DGKH: variants seen among roughly 807,000 people sequenced by gnomAD.
The protein encoded by DGKH is DAG kinase eta.
In DGKH, 90 loss-of-function variants were observed where a neutral mutation model predicts 159.3. The observed-to-expected ratio is 0.57, with a 90% confidence interval of 0.48 to 0.67. DGKH has a LOEUF of 0.67. Ranked by LOEUF, DGKH falls within the 30% of genes least tolerant of loss-of-function variation. The probability of loss-of-function intolerance (pLI) is 0.00; values close to 1 mark genes in which losing one functional copy is unlikely to be tolerated. For synonymous variants in DGKH, 536 were observed against 553.8 expected, an observed-to-expected ratio of 0.97 and a Z score of 0.45; for missense variants, 1,181 against 1,506.1, an observed-to-expected ratio of 0.78 and a Z score of 3.57.
chr13:42,154,021 C>T (rs1955980588), intron 3 of DGKH: 1 of 152,174 alleles, frequency 6.6e-6, no homozygotes, highest in Non-Finnish European at 1.5e-5. Context: ...GTAGCTAAGA[C>T]TGGATTGATC....
intron 14 of DGKH, 24 bp downstream of exon 14, chr13:42,187,172 T>C (rs759208300): frequency 4.2e-5 from 66 of 1,589,342 alleles, no homozygotes; most frequent in Admixed American, 5.0e-5. Context: ...CTTCAGGGCA[T>C]GAGAGTTGTT....
downstream of DGKH, among the ~76,000 whole-genome samples, chr13:42,243,513 C>T (rs558943990): frequency 3.3e-5 from 5 of 152,246 alleles, no homozygotes; most frequent in African/African-American, 1.2e-4. Context: ...GTGAATAGCC[C>T]TTTAAAATCA....
intron 1 of DGKH, among the ~76,000 whole-genome samples, chr13:42,092,320 C>A (rs1013864745): frequency 2.0e-5 from 3 of 152,080 alleles, no homozygotes; most frequent in African/African-American, 7.2e-5. Context: ...TCACAATAGT[C>A]AAGATATGGA....
intron 1 of DGKH, among the ~76,000 whole-genome samples, chr13:42,107,694 G>C (rs939943320): frequency 6.6e-6 from 1 of 152,106 alleles, no homozygotes; most frequent in South Asian, 2.1e-4. Flanking sequence ...GCCCGGGTAA[G>C]GCAGCCCCGC....
chr13:42,218,429 A>G (rs1166129404), intron 26 of DGKH, among the ~76,000 whole-genome samples: 1 of 150,850 alleles, frequency 6.6e-6, no homozygotes, highest in African/African-American at 2.4e-5. Flanking sequence ...ATTTTCAAGG[A>G]GATTTTTCTG....
intron 1 of DGKH, among the ~76,000 whole-genome samples, chr13:42,099,751 C>T (rs1954618272): frequency 6.6e-6 from 1 of 152,042 alleles, no homozygotes; most frequent in Non-Finnish European, 1.5e-5. Flanking sequence ...CTGAGTAGCG[C>T]GTGTGAAGGT....
At chr13:42,157,718 A>G (rs1956078340) in intron 5 of DGKH, among the ~76,000 whole-genome samples, 2 of 152,208 alleles carry the variant, frequency 1.3e-5, no homozygotes, top group South Asian at 4.1e-4. Flanking sequence ...GAAGGTAAGC[A>G]AAACATTTTC....
At position 42,229,205 on chromosome 13, in the gene DGKH, T is replaced by C. The variant is rs545602; in HGVS notation, c.*17T>C. The C allele has an allele frequency of 0.8, 1,282,926 of 1,601,294 alleles. 516,055 individuals carry two copies. Among genetic ancestry groups the C allele is most frequent in the East Asian group, 0.96 (42,711 of 44,546 alleles). ...GAGGTGTAATCATATTGGTGCTATT[T>C]CTTGGAAGAGAAGTTATTGCCACTT... On this transcript the variant is annotated 3_prime_UTR_variant, in exon 30 of 30. Coordinates refer to ENST00000337343, the MANE Select transcript of DGKH (RefSeq NM_178009.5).
intron 16 of DGKH, among the ~76,000 whole-genome samples, chr13:42,191,716 A>G (rs1456980716): frequency 6.6e-6 from 1 of 152,184 alleles, no homozygotes; most frequent in African/African-American, 2.4e-5. Flanking sequence ...CTATGAAAAA[A>G]ATTAGATAGT....
At chr13:42,103,373 C>G (rs1954687594) in intron 1 of DGKH, among the ~76,000 whole-genome samples, 1 of 152,104 alleles carries the variant, frequency 6.6e-6, no homozygotes, top group African/African-American at 2.4e-5. Context: ...TATTTATTAT[C>G]TACATTATAT....
At chr13:42,197,939 A>G (rs1309504035) in intron 17 of DGKH, among the ~76,000 whole-genome samples, 3 of 152,158 alleles carry the variant, frequency 2.0e-5, no homozygotes, top group Admixed American at 2.0e-4. Context: ...CATTTTTTAT[A>G]TTTAATACTA....
intron 7 of DGKH, among the ~76,000 whole-genome samples, chr13:42,162,512 T>G (rs1335484030): frequency 1.3e-5 from 2 of 150,848 alleles, no homozygotes; most frequent in Non-Finnish European, 2.9e-5. Context: ...AAACATCATC[T>G]CAAAAAATAA....
intron 16 of DGKH, among the ~76,000 whole-genome samples, chr13:42,191,585 T>C (rs2138117724): frequency 6.6e-6 from 1 of 152,330 alleles, no homozygotes; most frequent in East Asian, 1.9e-4. Flanking sequence ...ATTAACATTT[T>C]CTGCTTGAGC....
chr13:42,145,774 A>G (rs1955711785), intron 3 of DGKH, among the ~76,000 whole-genome samples: 1 of 152,170 alleles, frequency 6.6e-6, no homozygotes, highest in Non-Finnish European at 1.5e-5. Context: ...ATGCTTTGTA[A>G]TAATCTAGCA....
At chr13:42,166,451 T>C in intron 8 of DGKH, 64 bp from the exon 9 acceptor site, 1 of 1,315,662 alleles carries the variant, frequency 7.6e-7, no homozygotes. Flanking sequence ...TTTCTCTGAA[T>C]GTTTGCTAAT....
At position 42,072,965 on chromosome 13, in the gene DGKH, T is replaced by C. The variant is rs1330723590; in HGVS notation, c.192+24000T>C. ...CATTTTCTCTAAATCCATCTTCTAATATTAGAATATAAACTCCATGGGGGC... is the reference window on the plus strand; with the variant it reads ...CATTTTCTCTAAATCCATCTTCTAACATTAGAATATAAACTCCATGGGGGC... On this transcript the variant is annotated intron_variant, in intron 1 of 29. Coordinates refer to ENST00000337343, the MANE Select transcript of DGKH (RefSeq NM_178009.5). Among the ~76,000 whole-genome samples, 34 of 152,204 alleles carry C rather than the reference T, an allele frequency of 2.2e-4. 1 individual carries two copies. The highest frequency in any genetic ancestry group is 2.2e-3 in the Admixed American group (34 of 15,280).
In DGKH at chr13:42,070,881, T is replaced by C. The variant is rs1882919606; in HGVS notation, c.192+21916T>C. 3.9e-6 allele frequency: 5 copies of C among 1,295,260 alleles called. No homozygotes were observed. The African/African-American group carries it at 4.4e-5, about 11-fold the overall frequency. The allele number at this position is 1,295,260 out of a possible 1,614,324, so 80.2% of individuals were successfully genotyped here. ...CTTTCACAATGTTATCATGGTCAAG[T>C]CTTCTAATAATCTTGATTTCACATA... On this transcript the variant is annotated intron_variant, in intron 1 of 29. Coordinates refer to ENST00000337343, the MANE Select transcript of DGKH (RefSeq NM_178009.5).
Position 42,187,108 on chromosome 13 carries a change from C to A in DGKH, c.1598C>A (p.Thr533Asn), listed in dbSNP as rs147914294. 4,740 of 1,614,050 alleles carry A rather than the reference C, an allele frequency of 2.9e-3. 28 individuals carry two copies. Among genetic ancestry groups the A allele is most frequent in the South Asian group, 6.8e-3 (621 of 91,076 alleles). The change falls in exon 14 of 30, where the codon ACC (threonine) becomes AAC (asparagine). Residue 533 changes from threonine to asparagine, a missense_variant. Coordinates refer to ENST00000337343, the MANE Select transcript of DGKH (RefSeq NM_178009.5). ...VAKVEKTYDK[T>N]LENAVVADAV... ...AAAGTAGAAAAGACGTATGACAAAA[C>A]CTTGGAAAATGCCGTTGTAGCTGAT...
rs745335321 is a variant in DGKH at position 42,229,122 on chromosome 13, T to G, written c.3597T>G (p.Gly1199=). Residue 1199 remains glycine (G), a synonymous_variant, in exon 30 of 30, where the codon GGT becomes GGG. Coordinates refer to ENST00000337343, the MANE Select transcript of DGKH (RefSeq NM_178009.5). Reference sequence around the variant, plus strand: ...AGGATCTGGGGATACCGAAAGTGGGTCATGTGAAGCGAATTCTCCAGGGAA... The same window carrying G: ...AGGATCTGGGGATACCGAAAGTGGGGCATGTGAAGCGAATTCTCCAGGGAA... ...DLKDLGIPKV[G]HVKRILQGIK... is the part of the protein sequence containing the mutation. The G allele has an allele frequency of 3.6e-5, 58 of 1,611,324 alleles. No homozygotes were observed. The highest frequency in any genetic ancestry group is 4.7e-5 in the Non-Finnish European group (55 of 1,179,276).
Sources: gnomAD v4.1 joint callset for allele counts (sites outside exome capture counted in the v4.1 genomes callset) on GRCh38, gnomAD v4.1.1 for gene constraint, MANE v1.5 for transcripts, NCBI Gene and HGNC (gene_info 2026-07-23, HGNC 2026-07-21) for gene names.